Variants in DIDO1 observed in about 807,000 individuals in gnomAD.
DIDO1 encodes death-inducer obliterator 1.
In DIDO1, 16 loss-of-function variants were observed where a neutral mutation model predicts 99.4. That is an observed-to-expected ratio of 0.16 (90% confidence interval 0.11 to 0.24). DIDO1 has a LOEUF of 0.24. DIDO1 is among the 10% of genes least tolerant of loss of function. DIDO1 has a pLI of 1.00. For synonymous variants in DIDO1, 1,366 were observed against 1,239.1 expected, an observed-to-expected ratio of 1.10 and a Z score of -2.15; for missense variants, 2,996 against 3,014.0, an observed-to-expected ratio of 0.99 and a Z score of 0.14.
At chr20:62,921,593 T>A (rs192368068) in intron 1 of DIDO1, among the ~76,000 whole-genome samples, 218 of 151,620 alleles carry the variant, frequency 1.4e-3, no homozygotes, top group African/African-American at 4.9e-3. Flanking sequence ...AAAACCCTTC[T>A]CTCACAAGAA....
chr20:62,891,994 A>C lies in DIDO1; in HGVS notation c.3338T>G (p.Val1113Gly). The C allele has an allele frequency of 6.2e-7, 1 of 1,611,578 alleles. No homozygotes were observed. The highest frequency in any genetic ancestry group is 1.7e-5 in the Admixed American group (1 of 59,262). Residue 1113 changes from valine to glycine, a missense_variant, in exon 14 of 16, where the codon GTG becomes GGG. By Grantham distance (109) the Val-to-Gly change is moderately radical. Transcript: ENST00000395343. ...WDYVGKLKSS[V>G]SKELCLIRFH... The stretch of plus-strand genomic sequence containing the variant: ...TATACTATAAGCAGGTACCTTAGAC[A>C]CAGAAGACTTGAGTTTGCCAACATA...
At chr20:62,893,133 C>T (rs963830906) in intron 12 of DIDO1, among the ~76,000 whole-genome samples, 171 bp from the exon 13 acceptor site, 15 of 152,144 alleles carry the variant, frequency 9.9e-5, no homozygotes, top group African/African-American at 3.1e-4. Flanking sequence ...TCAGGTGATC[C>T]TCCCACCTCA....
upstream of DIDO1, among the ~76,000 whole-genome samples, chr20:62,927,114 G>A (rs546889980): frequency 3.1e-4 from 47 of 152,106 alleles, 1 homozygote; most frequent in African/African-American, 1.1e-3. Flanking sequence ...GCGTGGGGGT[G>A]GGGGGGAGAG....
At chr20:62,935,337 T>C (rs1488920822) in intron 1 of DIDO1, among the ~76,000 whole-genome samples, 1 of 143,376 alleles carries the variant, frequency 7.0e-6, no homozygotes, top group Non-Finnish European at 1.6e-5. Flanking sequence ...AACAAATAAA[T>C]ATTTATGGAG....
intron 1 of DIDO1, among the ~76,000 whole-genome samples, chr20:62,916,604 A>T (rs1307692074): frequency 1.3e-5 from 2 of 152,228 alleles, no homozygotes; most frequent in Admixed American, 1.3e-4. Flanking sequence ...AATGAACAGG[A>T]AGAGTGGCCC....
At chr20:62,883,924 T>C (rs2064253762) in intron 15 of DIDO1, among the ~76,000 whole-genome samples, 1 of 152,176 alleles carries the variant, frequency 6.6e-6, no homozygotes, top group South Asian at 2.1e-4. Context: ...GAGAACTGCT[T>C]GAACCTGGGA....
intron 15 of DIDO1, chr20:62,888,134 C>A (rs577091391): frequency 3.0e-6 from 3 of 985,500 alleles, no homozygotes. Flanking sequence ...CACCTTCAGG[C>A]CTTCACTTGC....
chr20:62,908,846 G>A (rs568198715), intron 4 of DIDO1, among the ~76,000 whole-genome samples: 2 of 152,170 alleles, frequency 1.3e-5, no homozygotes, highest in African/African-American at 2.4e-5. Context: ...GCAACAGAGC[G>A]AAGCCTCAAC....
At chr20:62,921,693 G>A (rs374668089) in intron 1 of DIDO1, among the ~76,000 whole-genome samples, 1 of 142,098 alleles carries the variant, frequency 7.0e-6, no homozygotes, top group South Asian at 2.2e-4. Flanking sequence ...GCAATGGAGC[G>A]ACTGATCACG....
intron 1 of DIDO1, among the ~76,000 whole-genome samples, chr20:62,921,197 G>A (rs2065130416): frequency 6.6e-6 from 1 of 152,168 alleles, no homozygotes; most frequent in African/African-American, 2.4e-5. Flanking sequence ...TGCCCGGCTG[G>A]TTTCCAATTT....
At position 62,896,786 on chromosome 20, in the gene DIDO1, A is replaced by C. The variant is rs545443252; in HGVS notation, c.1799T>G (p.Leu600Arg). Residue 600 changes from leucine to arginine, a missense_variant, in exon 7 of 16, where the codon CTC becomes CGC. Transcript: ENST00000395343. This position sits in a 1 kb window ranked among gnomAD's most constrained non-coding sequence, Gnocchi z 4.4. ...AGCACCACTCGATGGGGTAGCGGAG[A>C]GCCATGGCCTCTTGGGGATGGTGCC... is the stretch of plus-strand genomic sequence containing the variant. ...FKGTIPKRPW[L>R]SATPSSGASA... 6.2e-7 allele frequency: 1 copy of C among 1,614,060 alleles called. No individual in the cohort carries two copies. The highest frequency in any genetic ancestry group is 1.1e-5 in the South Asian group (1 of 91,084).
At chr20:62,928,722 A>C (rs1381427995), upstream of DIDO1, 2 of 152,246 alleles carry the variant, frequency 1.3e-5, no homozygotes, top group African/African-American at 4.8e-5. Context: ...CCCAATTCAC[A>C]AACAAAACCC....
chr20:62,896,783 G>A lies in DIDO1; in HGVS notation c.1802C>T (p.Ser601Phe). The A allele has an allele frequency of 6.2e-7, 1 of 1,614,114 alleles. No homozygotes were observed. The change falls in exon 7 of 16, where the codon TCC becomes TTC. Residue 601 changes from serine to phenylalanine, a missense_variant. Transcript: ENST00000395343. This position sits in a 1 kb window ranked among gnomAD's most constrained non-coding sequence, Gnocchi z 4.4. ...TGAAGCACCACTCGATGGGGTAGCG[G>A]AGAGCCATGGCCTCTTGGGGATGGT... ...KGTIPKRPWLSATPSSGASAA... is the reference protein window; with the variant it reads ...KGTIPKRPWLFATPSSGASAA...
intron 4 of DIDO1, 136 bp downstream of exon 4, chr20:62,909,563 G>T: frequency 1.0e-6 from 1 of 958,344 alleles, no homozygotes; most frequent in Non-Finnish European, 1.6e-6. Context: ...CACCCAGGTG[G>T]AGTGAGGCAG....
chr20:62,884,162 G>A (rs1360361704), intron 15 of DIDO1, among the ~76,000 whole-genome samples: 2 of 152,124 alleles, frequency 1.3e-5, no homozygotes, highest in Non-Finnish European at 2.9e-5. Flanking sequence ...AGCAGAGCAG[G>A]TGGACGACGC....
intron 15 of DIDO1, chr20:62,888,667 C>T (rs528433668): frequency 8.1e-5 from 80 of 985,474 alleles, no homozygotes; most frequent in African/African-American, 7.8e-4. Context: ...CACACACACG[C>T]GCGCACATGC....
intron 1 of DIDO1, among the ~76,000 whole-genome samples, chr20:62,920,470 A>G (rs968610008): frequency 6.6e-6 from 1 of 152,218 alleles, no homozygotes; most frequent in Non-Finnish European, 1.5e-5. Flanking sequence ...TACCGGTGAC[A>G]GCGCATCAGA....
In DIDO1 at chr20:62,879,305, G is replaced by T; in HGVS notation, c.6651C>A (p.Ser2217Arg). The T allele has an allele frequency of 6.3e-7, 1 of 1,579,344 alleles. No homozygotes were observed. The highest frequency in any genetic ancestry group is 1.8e-5 in the Admixed American group (1 of 56,436). Residue 2217 changes from serine to arginine, a missense_variant, in exon 16 of 16, where the codon AGC becomes AGA. Ser to Arg is a moderately radical substitution (Grantham distance 110). This residue lies in a region of DIDO1 where 1,562 missense variants were observed against 1,412.6 expected (regional missense o/e 1.11). Coordinates refer to ENST00000395343, the MANE Select transcript of DIDO1 (RefSeq NM_001193369.2). This position sits in a 1 kb window ranked among gnomAD's most constrained non-coding sequence, Gnocchi z 6.3. ...GCTTCGGGTCCCGAGCGCTCTCTTTGCTCTTGCTCCGGTCCTTGCGGTCGC... is the reference window on the plus strand; with the variant it reads ...GCTTCGGGTCCCGAGCGCTCTCTTTTCTCTTGCTCCGGTCCTTGCGGTCGC... The part of the protein sequence containing the change: ...RGRDRKDRSK[S>R]KESARDPKPE...
rs1206628720 is a variant in DIDO1, at chr20:62,926,016, T to A, written c.-200+423A>T. Among the ~76,000 whole-genome samples the A allele has an allele frequency of 2.6e-5, 4 of 151,934 alleles. No homozygotes were observed. In the East Asian group the frequency reaches 7.8e-4, roughly 30 times the overall value. ...GAGGAAGCGCCGAGGTCCCCGAGAA[T>A]GCCTAGGGAAACCAGCTGCGCTTAC... On this transcript the variant is annotated intron_variant, in intron 1 of 15. Transcript: ENST00000395343.
Sources: gnomAD v4.1 joint callset for allele counts (sites outside exome capture counted in the v4.1 genomes callset) on GRCh38, gnomAD v4.1.1 for gene constraint, gnomAD v4.1.1 regional missense constraint, Gnocchi (gnomAD v3.1) non-coding constraint, MANE v1.5 for transcripts, NCBI Gene and HGNC (gene_info 2026-07-23, HGNC 2026-07-21) for gene names.